The following ARHGAP31 variants were observed in gnomAD, a reference collection of about 807,000 sequenced individuals.
The protein encoded by ARHGAP31 is rho GTPase-activating protein 31.
In ARHGAP31, 34 loss-of-function variants were observed where a neutral mutation model predicts 113.9. The observed-to-expected ratio is 0.30, with a 90% CI of 0.23 to 0.40. The LOEUF is 0.40. ARHGAP31 is among the 10% of genes least tolerant of loss of function. The pLI, the probability that ARHGAP31 is intolerant of heterozygous loss-of-function variation, is 1.00. For synonymous variants in ARHGAP31, 650 were observed against 684.8 expected (o/e 0.95, Z 0.79); for missense variants, 1,548 against 1,767.1 (o/e 0.88, Z 2.22).
intron 1 of ARHGAP31, among the ~76,000 whole-genome samples, chr3:119,348,936 T>G (rs2080086935): frequency 6.6e-6 from 1 of 152,166 alleles, no homozygotes; most frequent in African/African-American, 2.4e-5. Flanking sequence ...TTTGGATAAT[T>G]GCAATATCTG....
In ARHGAP31 at chr3:119,331,046, T is replaced by C. The variant is rs182215158; in HGVS notation, c.101-34270T>C. Among the ~76,000 whole-genome samples, 1,061 of 152,284 alleles carry C rather than the reference T, an allele frequency of 7.0e-3. 8 individuals are homozygous for C. The highest frequency in any genetic ancestry group is 0.012 in the Non-Finnish European group (809 of 68,016). ...GGCTAGTGGTGGGAGTGAGGTTGTT[T>C]ATAATCTTTCAGATTAAAATGTCAT... On this transcript the variant is annotated intron_variant, in intron 1 of 11. Coordinates refer to ENST00000264245, the MANE Select transcript of ARHGAP31 (RefSeq NM_020754.4).
chr3:119,386,221 T>C (rs1448991698), intron 6 of ARHGAP31, among the ~76,000 whole-genome samples: 1 of 152,228 alleles, frequency 6.6e-6, no homozygotes, highest in Non-Finnish European at 1.5e-5. Flanking sequence ...TGCTTCAAAC[T>C]GAAAAGATTT....
rs377367563 is a variant in ARHGAP31, at chr3:119,310,726, G to A, written c.100+15722G>A. Among the ~76,000 whole-genome samples, 9 of 152,272 alleles carry A rather than the reference G, an allele frequency of 5.9e-5. No individual in the cohort carries two copies. The South Asian group carries it at 6.2e-4, about 11-fold the overall frequency. On this transcript the variant is annotated intron_variant, in intron 1 of 11. Transcript: ENST00000264245. Reference sequence around the variant, plus strand: ...CGAAACTGGTCCCTGGTGCCAAGAAGGTTGGGGACTGCTGGCTTAGACAAC... The same window carrying A: ...CGAAACTGGTCCCTGGTGCCAAGAAAGTTGGGGACTGCTGGCTTAGACAAC...
chr3:119,332,771 A>G (rs1383090206), intron 1 of ARHGAP31, among the ~76,000 whole-genome samples: 1 of 151,524 alleles, frequency 6.6e-6, no homozygotes, highest in Non-Finnish European at 1.5e-5. Flanking sequence ...CCTGCTGCTC[A>G]CTCATGTTGA....
At chr3:119,299,377 C>G (rs1681309636) in intron 1 of ARHGAP31, among the ~76,000 whole-genome samples, 1 of 152,196 alleles carries the variant, frequency 6.6e-6, no homozygotes, top group African/African-American at 2.4e-5. Flanking sequence ...CTAGTTCTTA[C>G]CGCACTTGAA....
chr3:119,334,069 G>A (rs1364780845), intron 1 of ARHGAP31, among the ~76,000 whole-genome samples: 1 of 152,208 alleles, frequency 6.6e-6, no homozygotes, highest in Non-Finnish European at 1.5e-5. Flanking sequence ...TAAAGACAAA[G>A]AAGAGTGGAA....
chr3:119,336,598 T>G (rs1332164742), intron 1 of ARHGAP31, among the ~76,000 whole-genome samples: 1 of 152,222 alleles, frequency 6.6e-6, no homozygotes, highest in Non-Finnish European at 1.5e-5. Context: ...ATTTTGTTGG[T>G]CTAAGTTCTA....
At chr3:119,381,985 C>CAAAAAAAA (rs10719267) in intron 4 of ARHGAP31, among the ~76,000 whole-genome samples, 1 of 62,096 alleles carries the variant, frequency 1.6e-5, no homozygotes, top group Non-Finnish European at 3.3e-5. Context: ...GACTCCGTCT[C>CAAAAAAAA]AAAAAAAAAA....
intron 9 of ARHGAP31, among the ~76,000 whole-genome samples, chr3:119,399,659 G>A (rs2107639435): frequency 6.6e-6 from 1 of 152,356 alleles, no homozygotes; most frequent in East Asian, 1.9e-4. Context: ...TATGTATCTT[G>A]AACTTGGCTG....
At chr3:119,323,827 G>A (rs1290360395) in intron 1 of ARHGAP31, among the ~76,000 whole-genome samples, 1 of 152,184 alleles carries the variant, frequency 6.6e-6, no homozygotes, top group African/African-American at 2.4e-5. Context: ...TGAAAAGCGA[G>A]GGAGGGACTT....
chr3:119,336,864 A>G (rs78790706), intron 1 of ARHGAP31, among the ~76,000 whole-genome samples: 1,722 of 152,300 alleles, frequency 0.011, 38 homozygotes, highest in South Asian at 0.068. Context: ...TCTAGTTTCT[A>G]TCTTTACAGA....
intron 1 of ARHGAP31, among the ~76,000 whole-genome samples, chr3:119,336,706 T>C (rs936153538): frequency 1.3e-5 from 2 of 152,224 alleles, no homozygotes; most frequent in African/African-American, 2.4e-5. Flanking sequence ...AAGTCAATAG[T>C]TTTAGTATAA....
chr3:119,325,647 A>T (rs935619), intron 1 of ARHGAP31, among the ~76,000 whole-genome samples: 1 of 118,974 alleles, frequency 8.4e-6, no homozygotes, highest in African/African-American at 3.1e-5. Context: ...CCTGGTGGGG[A>T]TGGCGGGGGT....
intron 8 of ARHGAP31, among the ~76,000 whole-genome samples, chr3:119,397,999 C>G (rs886184957): frequency 1.6e-4 from 25 of 152,190 alleles, no homozygotes; most frequent in African/African-American, 5.8e-4. Context: ...CATGATAAAA[C>G]TGGAGTTTAG....
rs1395168416 is a variant in ARHGAP31, at chr3:119,365,400, C to T, written c.185C>T (p.Ser62Leu). 3 of 1,613,916 alleles carry T rather than the reference C, an allele frequency of 1.9e-6. No homozygotes were observed. The highest frequency in any genetic ancestry group is 2.5e-6 in the Non-Finnish European group (3 of 1,179,962). The change falls in exon 2 of 12, where the codon TCA becomes TTA. Residue 62 changes from serine (S) to leucine (L), a missense_variant. Coordinates refer to ENST00000264245, the MANE Select transcript of ARHGAP31 (RefSeq NM_020754.4). Reference protein sequence around the residue: ...DGIYRLSGVTSNIQRLRQEFG... With the variant: ...DGIYRLSGVTLNIQRLRQEFG... The stretch of plus-strand genomic sequence containing the variant: ...ATCTATCGGCTTTCAGGAGTCACCT[C>T]AAACATACAACGGCTAAGGTAAGCT...
Position 119,414,376 on chromosome 3 carries a change from A to T in ARHGAP31, c.2447A>T (p.Asp816Val). 1.2e-6 allele frequency: 2 copies of T among 1,614,194 alleles called. No homozygotes were observed. The highest frequency in any genetic ancestry group is 1.7e-6 in the Non-Finnish European group (2 of 1,180,032). The change falls in exon 12 of 12, where the codon GAT (aspartate) becomes GTT (valine). Residue 816 changes from aspartate to valine, a missense_variant. By Grantham distance (152) the Asp-to-Val change is radical. Transcript: ENST00000264245. ...GACTCATCCAGGAAATTGAGGACAG[A>T]TCTCTACATAGACCAGCTGAAGTCC... Reference protein sequence around the residue: ...REDSSRKLRTDLYIDQLKSQD... With the variant: ...REDSSRKLRTVLYIDQLKSQD...
chr3:119,371,801 C>T (rs2080300452), intron 3 of ARHGAP31, among the ~76,000 whole-genome samples: 1 of 152,214 alleles, frequency 6.6e-6, no homozygotes, highest in African/African-American at 2.4e-5. Flanking sequence ...GTTGTTCCTC[C>T]CTTTGTGTCC....
intron 3 of ARHGAP31, among the ~76,000 whole-genome samples, chr3:119,379,055 G>C (rs1046944150): frequency 3.3e-5 from 5 of 152,064 alleles, no homozygotes; most frequent in African/African-American, 4.8e-5. Context: ...AAAAAATGGT[G>C]GTCTTCTATA....
In ARHGAP31 at chr3:119,419,427, T is replaced by C. The variant is rs934601620; in HGVS notation, c.*3163T>C. The stretch of plus-strand genomic sequence containing the variant: ...ATCTAAACCCTAAAATTCAAAATAT[T>C]GTCCAAGTCAAAAGTCTAGACTCTG... On this transcript the variant is annotated 3_prime_UTR_variant, in exon 12 of 12. Coordinates refer to ENST00000264245, the MANE Select transcript of ARHGAP31 (RefSeq NM_020754.4). 6.6e-6 allele frequency: 1 copy of C among 152,172 alleles called. No individual in the cohort carries two copies. Among genetic ancestry groups the C allele is most frequent in the Non-Finnish European group, 1.5e-5 (1 of 68,026 alleles). The allele number at this position is 152,172 out of a possible 1,614,324, so 9.4% of individuals were successfully genotyped here.
Sources: gnomAD v4.1 joint callset for allele counts (sites outside exome capture counted in the v4.1 genomes callset) on GRCh38, gnomAD v4.1.1 for gene constraint, MANE v1.5 for transcripts, NCBI Gene and HGNC (gene_info 2026-07-23, HGNC 2026-07-21) for gene names.